Variants in APPL1 observed in about 807,000 individuals in gnomAD.
APPL1 encodes the protein adaptor protein, phosphotyrosine interacting with PH domain and leucine zipper 1.
A neutral mutation model predicts 106.8 loss-of-function variants in APPL1; 42 were observed. The observed-to-expected ratio is 0.39, with a 90% CI of 0.31 to 0.51. APPL1 has a LOEUF of 0.51. Among genes scored for constraint, APPL1 ranks in the 20% least tolerant of loss-of-function variants. The probability of loss-of-function intolerance (pLI) is 0.75; values close to 1 mark genes in which losing one functional copy is unlikely to be tolerated. For synonymous variants in APPL1, 263 were observed against 281.8 expected, an observed-to-expected ratio of 0.93 and a Z score of 0.67; for missense variants, 769 against 858.2, an observed-to-expected ratio of 0.90 and a Z score of 1.30.
intron 19 of APPL1, among the ~76,000 whole-genome samples, chr3:57,267,019 G>A (rs543324581): frequency 7.9e-6 from 1 of 126,626 alleles, no homozygotes; most frequent in South Asian, 2.9e-4. Context: ...TTTGAAGTTA[G>A]GTAATGTGAT....
chr3:57,248,908 A>G (rs2060788896), intron 10 of APPL1, among the ~76,000 whole-genome samples: 1 of 152,208 alleles, frequency 6.6e-6, no homozygotes, highest in Non-Finnish European at 1.5e-5. Context: ...GAGTTTAAAT[A>G]AATATTCACA....
At chr3:57,245,575 C>G (rs2060768864) in intron 7 of APPL1, among the ~76,000 whole-genome samples, 1 of 149,732 alleles carries the variant, frequency 6.7e-6, no homozygotes, top group African/African-American at 2.5e-5. Context: ...GACAGTCTCT[C>G]TCTGTCACCC....
rs1294480664 is a variant in APPL1 at position 57,248,305 on chromosome 3, G to C, written c.817G>C (p.Val273Leu). 1 of 1,613,954 alleles carries C rather than the reference G, an allele frequency of 6.2e-7. No individual in the cohort carries two copies. Among genetic ancestry groups the C allele is most frequent in the African/African-American group, 1.3e-5 (1 of 74,900 alleles). Residue 273 changes from valine to leucine, a missense_variant, in exon 10 of 22, where the codon GTT becomes CTT. Coordinates refer to ENST00000288266, the MANE Select transcript of APPL1 (RefSeq NM_012096.3). ...VPDPDPTKFPVNRNLTRKAGY... is the reference protein window; with the variant it reads ...VPDPDPTKFPLNRNLTRKAGY... ...TGACCCAGACCCCACCAAATTTCCT[G>C]TTAATCGAAATTTAACCCGAAAGGC... is the stretch of plus-strand genomic sequence containing the variant.
intron 3 of APPL1, 35 bp downstream of exon 3, chr3:57,237,586 AAAAGT>A (rs1187677930): frequency 6.9e-6 from 10 of 1,441,072 alleles, no homozygotes; most frequent in African/African-American, 4.3e-5. Flanking sequence ...GCATAATTTT[AAAAGT>A]ATAGTATCTG....
chr3:57,260,460 C>G, intron 18 of APPL1, 168 bp from the exon 19 acceptor site: 10 of 627,852 alleles, frequency 1.6e-5, no homozygotes, highest in South Asian at 4.1e-5. Flanking sequence ...CTTGTTAATT[C>G]AAACCAAATA....
intron 19 of APPL1, among the ~76,000 whole-genome samples, chr3:57,267,028 A>AT (rs5849201): frequency 0.38 from 57,737 of 151,978 alleles, 12,643 homozygotes; most frequent in East Asian, 0.85. Context: ...AGGTAATGTG[A>AT]TGCCTCCAGC....
At chr3:57,229,066 C>T (rs528217844) in intron 1 of APPL1, among the ~76,000 whole-genome samples, 2 of 152,312 alleles carry the variant, frequency 1.3e-5, no homozygotes, top group African/African-American at 4.8e-5. Context: ...TGAAAGTTAT[C>T]TTCACAGGCC....
intron 19 of APPL1, among the ~76,000 whole-genome samples, chr3:57,264,351 T>G (rs1276226681): frequency 6.6e-6 from 1 of 152,160 alleles, no homozygotes; most frequent in African/African-American, 2.4e-5. Context: ...CTTTGTTGAT[T>G]GTTTCCTTTG....
chr3:57,268,574 G>A, intron 21 of APPL1, 87 bp downstream of exon 21: 1 of 1,432,954 alleles, frequency 7.0e-7, no homozygotes, highest in South Asian at 1.7e-5. Context: ...ATTTCCAAAT[G>A]AAGGGCTGTT....
chr3:57,266,743 T>C (rs1456044014), intron 19 of APPL1, among the ~76,000 whole-genome samples: 1 of 152,214 alleles, frequency 6.6e-6, no homozygotes, highest in African/African-American at 2.4e-5. Flanking sequence ...TTTAAGTCTT[T>C]AATGTATTTT....
At chr3:57,260,872 G>A in intron 19 of APPL1, 98 bp downstream of exon 19, 1 of 1,199,306 alleles carries the variant, frequency 8.3e-7, no homozygotes, top group Non-Finnish European at 1.1e-6. Context: ...AAATTAGTTA[G>A]TAATTACTGA....
chr3:57,270,470 A>C lies in APPL1; in HGVS notation c.*783A>C, dbSNP rs561994769. The C allele has an allele frequency of 6.5e-6, 1 of 152,764 alleles. No individual in the cohort carries two copies. The highest frequency in any genetic ancestry group is 2.1e-4 in the South Asian group (1 of 4,832). 9.5% of individuals were successfully genotyped at this position (152,764 alleles called of 1,614,324 possible). A position where few individuals can be genotyped will look rare whatever the true frequency, so the allele number is the denominator to read the frequency against. On this transcript the variant is annotated 3_prime_UTR_variant, in exon 22 of 22. Transcript: ENST00000288266. ...GGAATTTATTAAAAGATTTTTGTTC[A>C]ATACATTTTAGATTAGGATTGACAA...
rs375592616 is a variant in APPL1 at position 57,259,934 on chromosome 3, A to G, written c.1573A>G (p.Met525Val). Residue 525 changes from methionine (M) to valine (V), a missense_variant, in exon 17 of 22, where the codon ATG (methionine) becomes GTG (valine). Transcript: ENST00000288266. ...DDHPDVVYET[M>V]RQILAARAIH... ...CCATCCAGATGTTGTTTATGAAACT[A>G]TGCGCCAAATCTTAGCTGCCCGGGC... is the stretch of plus-strand genomic sequence containing the variant. 16 of 1,613,876 alleles carry G rather than the reference A, an allele frequency of 9.9e-6. No homozygotes were observed. Among genetic ancestry groups the G allele is most frequent in the East Asian group, 2.2e-5 (1 of 44,866 alleles).
At position 57,228,054 on chromosome 3, in the gene APPL1, C is replaced by T; in HGVS notation, c.54+117C>T. On this transcript the variant is annotated intron_variant, in intron 1 of 21. Transcript: ENST00000288266. The surrounding 1 kb of genome is among the most constrained non-coding windows in gnomAD (Gnocchi z 4.6). ...GGCCCAGGTGGGGGCCGCCGCCGCC[C>T]TAGGTCACCGCCCGTCGCAGGCCGC... is the stretch of plus-strand genomic sequence containing the variant. 2 of 881,958 alleles carry T rather than the reference C, an allele frequency of 2.3e-6. No homozygotes were observed. The highest frequency in any genetic ancestry group is 1.8e-5 in the African/African-American group (1 of 56,502). 54.6% of individuals were successfully genotyped at this position (881,958 alleles called of 1,614,324 possible).
intron 7 of APPL1, among the ~76,000 whole-genome samples, chr3:57,245,374 A>G (rs574671580): frequency 4.6e-5 from 7 of 152,282 alleles, no homozygotes; most frequent in African/African-American, 1.7e-4. Flanking sequence ...TGATAGGGAG[A>G]GAACCAGGAG....
Position 57,249,411 on chromosome 3 carries a change from G to A in APPL1, c.915G>A (p.Gln305=). 6.2e-7 allele frequency: 1 copy of A among 1,614,150 alleles called. No individual in the cohort carries two copies. Among genetic ancestry groups the A allele is most frequent in the Non-Finnish European group, 8.5e-7 (1 of 1,180,020 alleles). The change falls in exon 11 of 22, where the codon CAG becomes CAA. Residue 305 remains glutamine, a synonymous_variant. Coordinates refer to ENST00000288266, the MANE Select transcript of APPL1 (RefSeq NM_012096.3). ...GGGACAGACAGTTTTACTTCACGCA[G>A]GGTGGAAATTTAATGAGTCAGGCCC... is the stretch of plus-strand genomic sequence containing the variant. ...STWDRQFYFT[Q]GGNLMSQARG...
At chr3:57,234,172 GT>G (rs1329374018) in intron 1 of APPL1, among the ~76,000 whole-genome samples, 2 of 152,080 alleles carry the variant, frequency 1.3e-5, no homozygotes, top group Non-Finnish European at 2.9e-5. Flanking sequence ...TTAAGCTGCA[GT>G]TATCTCCAGT....
chr3:57,248,126 G>A, intron 9 of APPL1, 67 bp from the exon 10 acceptor site: 2 of 1,487,656 alleles, frequency 1.3e-6, no homozygotes, highest in Non-Finnish European at 9.0e-7. Context: ...AAATATGCAG[G>A]TAAACATGAT....
At chr3:57,237,347 G>A (rs1339631140) in intron 2 of APPL1, 145 bp from the exon 3 acceptor site, 2 of 602,226 alleles carry the variant, frequency 3.3e-6, no homozygotes, top group East Asian at 3.2e-5. Context: ...TTTAATGGTA[G>A]TACCCCTTTC....
Sources: gnomAD v4.1 joint callset for allele counts (sites outside exome capture counted in the v4.1 genomes callset) on GRCh38, gnomAD v4.1.1 for gene constraint, Gnocchi (gnomAD v3.1) non-coding constraint, MANE v1.5 for transcripts, NCBI Gene and HGNC (gene_info 2026-07-23, HGNC 2026-07-21) for gene names.